The following ZNF182 variants were observed in gnomAD, a reference collection of about 807,000 sequenced individuals.
ZNF182 encodes the protein zinc finger protein 21 (KOX 14).
ZNF182 carries 10 observed loss-of-function variants against 28.1 expected under a neutral mutation model. That is an observed-to-expected ratio of 0.36 (90% confidence interval 0.22 to 0.60). ZNF182 has a LOEUF of 0.60. Ranked by LOEUF, ZNF182 falls within the 20% of genes least tolerant of loss-of-function variation. ZNF182 has a pLI of 0.75. For missense variants in ZNF182, 352 were observed against 453.2 expected (o/e 0.78, Z 2.03); for synonymous variants, 156 against 158.7 (o/e 0.98, Z 0.13).
chrX:48,000,068 G>A lies in ZNF182; in HGVS notation c.15+2527C>T, dbSNP rs184322777. On this transcript the variant is annotated intron_variant, in intron 3 of 5. Transcript: ENST00000376943. Reference sequence around the variant, plus strand: ...GGGGAATTGCTTGAACCTGAGAGCCGGAGGTTGCAGTGAGCTGAGATCGCA... The same window carrying A: ...GGGGAATTGCTTGAACCTGAGAGCCAGAGGTTGCAGTGAGCTGAGATCGCA... Among the ~76,000 whole-genome samples, 828 of 110,383 alleles carry A rather than the reference G, an allele frequency of 7.5e-3. 10 individuals carry two copies. Among genetic ancestry groups the A allele is most frequent in the African/African-American group, 0.026 (777 of 30,253 alleles).
chrX:47,978,065 T>C (rs782452725), intron 5 of ZNF182, among the ~76,000 whole-genome samples: 4 of 111,042 alleles, frequency 3.6e-5, no homozygotes, highest in Non-Finnish European at 7.5e-5. Flanking sequence ...TCTTCAGTTA[T>C]CATATAAACT....
intron 3 of ZNF182, among the ~76,000 whole-genome samples, chrX:48,001,169 G>T (rs1556901863): frequency 8.9e-6 from 1 of 112,214 alleles, no homozygotes. Flanking sequence ...CTTACCATAT[G>T]ACCTAGTAAT....
chrX:47,985,359 A>T (rs2058920046), intron 3 of ZNF182, among the ~76,000 whole-genome samples: 1 of 112,373 alleles, frequency 8.9e-6, no homozygotes, highest in African/African-American at 3.2e-5. Flanking sequence ...GATTACATTT[A>T]TATATTACAT....
chrX:47,996,146 A>C (rs1423028894), intron 3 of ZNF182, among the ~76,000 whole-genome samples: 1 of 112,530 alleles, frequency 8.9e-6, no homozygotes, highest in African/African-American at 3.2e-5. Context: ...GACAGTTGGA[A>C]GAGAAATAAC....
At chrX:47,987,882 A>T (rs1556899972) in intron 3 of ZNF182, among the ~76,000 whole-genome samples, 1 of 111,998 alleles carries the variant, frequency 8.9e-6, no homozygotes, top group East Asian at 2.8e-4. Flanking sequence ...AAGTAAAGTT[A>T]AAGATGAAGG....
chrX:47,976,065 A>T lies in ZNF182; in HGVS notation c.*102T>A. On this transcript the variant is annotated 3_prime_UTR_variant, in exon 6 of 6. Coordinates refer to ENST00000376943, the MANE Select transcript of ZNF182 (RefSeq NM_001007088.2). ...GATGAAAAGAAGAAAGGCTGAATTT[A>T]CTCCCATATTTAAACCACAAGTCAA... The T allele has an allele frequency of 1.2e-6, 1 of 834,910 alleles. No homozygotes were observed. The highest frequency in any genetic ancestry group is 3.8e-5 in the South Asian group (1 of 26,529). 68.8% of individuals were successfully genotyped at this position (834,910 alleles called of 1,213,427 possible).
intron 5 of ZNF182, among the ~76,000 whole-genome samples, chrX:47,981,959 A>G (rs782070873): frequency 9.0e-6 from 1 of 111,105 alleles, no homozygotes; most frequent in South Asian, 3.8e-4. Context: ...GTATAATTCC[A>G]ATCCTATGTA....
At chrX:47,990,637 G>A (rs914461849) in intron 3 of ZNF182, among the ~76,000 whole-genome samples, 4 of 111,989 alleles carry the variant, frequency 3.6e-5, no homozygotes, top group African/African-American at 1.3e-4. Context: ...GCTAGCACAT[G>A]TGTAAATTTG....
At chrX:47,987,602 T>C (rs2058927365) in intron 3 of ZNF182, among the ~76,000 whole-genome samples, 2 of 112,524 alleles carry the variant, frequency 1.8e-5, no homozygotes, top group South Asian at 7.3e-4. Flanking sequence ...GATGCAAATA[T>C]GCAACGAGGG....
At chrX:48,002,843 G>A (rs898943338) in intron 2 of ZNF182, among the ~76,000 whole-genome samples, 190 bp from the exon 3 acceptor site, 3 of 112,087 alleles carry the variant, frequency 2.7e-5, no homozygotes, top group African/African-American at 9.7e-5. Flanking sequence ...AACACAAAAG[G>A]TTTTATATAC....
chrX:47,979,675 C>A (rs997099293), intron 5 of ZNF182, among the ~76,000 whole-genome samples: 5 of 111,135 alleles, frequency 4.5e-5, no homozygotes, highest in African/African-American at 1.6e-4. Context: ...TTAAGAATCA[C>A]CACATTACTG....
intron 3 of ZNF182, among the ~76,000 whole-genome samples, chrX:47,989,933 T>A (rs1556900267): frequency 1.8e-5 from 2 of 111,275 alleles, no homozygotes; most frequent in African/African-American, 6.5e-5. Context: ...CTTACAAATA[T>A]CTGTATTCCT....
intron 3 of ZNF182, among the ~76,000 whole-genome samples, chrX:47,993,821 T>G (rs1556900736): frequency 2.7e-5 from 3 of 110,102 alleles, no homozygotes; most frequent in Non-Finnish European, 5.7e-5. Flanking sequence ...TCAATAGAAT[T>G]TACTCAATCT....
chrX:47,991,822 C>T (rs1248786688), intron 3 of ZNF182, among the ~76,000 whole-genome samples: 1 of 111,206 alleles, frequency 9.0e-6, no homozygotes, highest in East Asian at 2.8e-4. Context: ...CTCTAAACCC[C>T]CAACCTAGCA....
chrX:47,997,152 C>T (rs1344307538), intron 3 of ZNF182, among the ~76,000 whole-genome samples: 1 of 107,738 alleles, frequency 9.3e-6, no homozygotes, highest in African/African-American at 3.4e-5. Flanking sequence ...CATGGCAAAA[C>T]CCCATCTCTA....
chrX:47,984,993 T>C (rs1444107600), intron 3 of ZNF182, among the ~76,000 whole-genome samples: 1 of 111,260 alleles, frequency 9.0e-6, no homozygotes, highest in Non-Finnish European at 1.9e-5. Context: ...GGTGAGGATG[T>C]AGAGCAACTG....
At chrX:47,983,935 A>C (rs1285321522) in intron 3 of ZNF182, among the ~76,000 whole-genome samples, 2 of 111,937 alleles carry the variant, frequency 1.8e-5, no homozygotes, top group African/African-American at 3.3e-5. Flanking sequence ...CAAAACATGA[A>C]AAGCACTCCT....
intron 3 of ZNF182, among the ~76,000 whole-genome samples, chrX:48,000,181 A>T (rs1455127086): frequency 9.0e-6 from 1 of 111,667 alleles, no homozygotes; most frequent in African/African-American, 3.3e-5. Flanking sequence ...AAGCAAAAAA[A>T]AATTCTCAAC....
intron 3 of ZNF182, among the ~76,000 whole-genome samples, 158 bp from the exon 4 acceptor site, chrX:47,983,569 C>G (rs2058913942): frequency 9.0e-6 from 1 of 111,043 alleles, no homozygotes; most frequent in Non-Finnish European, 1.9e-5. Context: ...GGGAGAATCA[C>G]AAATCATGGT....
Sources: allele counts gnomAD v4.1 joint callset (sites outside exome capture counted in the v4.1 genomes callset), GRCh38; gene constraint gnomAD v4.1.1; transcripts MANE v1.5; gene names NCBI Gene and HGNC (gene_info 2026-07-23, HGNC 2026-07-21).